Variants in BCL11B observed in about 807,000 individuals in gnomAD.
BCL11B encodes the protein B-cell lymphoma/leukemia 11B.
BCL11B carries 8 observed loss-of-function variants against 49.9 expected under a neutral mutation model. The ratio of observed to expected loss-of-function variants is 0.16; its 90% confidence interval spans 0.09 to 0.29. The LOEUF is 0.29. Ranked by LOEUF, BCL11B falls within the 10% of genes least tolerant of loss-of-function variation. BCL11B has a pLI of 1.00. For missense variants in BCL11B, 1,006 were observed against 1,351.0 expected (o/e 0.74, Z 4.00); for synonymous variants, 739 against 637.4 (o/e 1.16, Z -2.40).
chr14:99,194,304 G>A lies in BCL11B; in HGVS notation c.641-18109C>T, dbSNP rs540343994. 3.3e-5 allele frequency among the ~76,000 whole-genome samples: 5 copies of A among 152,294 alleles called. No individual in the cohort carries two copies. Among genetic ancestry groups the A allele is most frequent in the South Asian group, 2.1e-4 (1 of 4,832 alleles). ...TCAGCAAACCGCCAAGGCCTTCCCC[G>A]GACTGCACTGGCTTACAGAACACAC... On this transcript the variant is annotated intron_variant, in intron 3 of 3. Transcript: ENST00000357195. The surrounding 1 kb of genome is among the most constrained non-coding windows in gnomAD (Gnocchi z 4.6).
Position 99,247,793 on chromosome 14 carries a change from G to A in BCL11B, c.427+9678C>T, listed in dbSNP as rs1019246227. 5.9e-5 allele frequency among the ~76,000 whole-genome samples: 9 copies of A among 152,162 alleles called. No homozygotes were observed. The highest frequency in any genetic ancestry group is 1.0e-4 in the Non-Finnish European group (7 of 68,030). ...GCCTCTGGATTCATCTTCAGCAGACGCTGACCCACGCACCTGTTTGCCTGC... is the reference window on the plus strand; with the variant it reads ...GCCTCTGGATTCATCTTCAGCAGACACTGACCCACGCACCTGTTTGCCTGC... On this transcript the variant is annotated intron_variant, in intron 2 of 3. Coordinates refer to ENST00000357195, the MANE Select transcript of BCL11B (RefSeq NM_138576.4). The surrounding 1 kb of genome is among the most constrained non-coding windows in gnomAD (Gnocchi z 4.5).
chr14:99,260,681 GT>G (rs1223888067), intron 1 of BCL11B, among the ~76,000 whole-genome samples: 2 of 151,576 alleles, frequency 1.3e-5, no homozygotes, highest in Non-Finnish European at 2.9e-5. Flanking sequence ...GTAACATCTG[GT>G]ATTCTTTCCT....
At chr14:99,212,339 G>T (rs1380174845) in intron 3 of BCL11B, among the ~76,000 whole-genome samples, 3 of 73,722 alleles carry the variant, frequency 4.1e-5, no homozygotes, top group East Asian at 4.2e-4. Flanking sequence ...CAAACCTGCA[G>T]CCTCCCCTGG....
chr14:99,234,543 A>C (rs376648433), intron 2 of BCL11B, among the ~76,000 whole-genome samples: 1 of 152,102 alleles, frequency 6.6e-6, no homozygotes, highest in Non-Finnish European at 1.5e-5. Flanking sequence ...ACTGGATTCA[A>C]ATTCCTCCTC....
At position 99,195,666 on chromosome 14, in the gene BCL11B, T is replaced by C. The variant is rs535732147; in HGVS notation, c.641-19471A>G. Among the ~76,000 whole-genome samples, 23 of 152,200 alleles carry C rather than the reference T, an allele frequency of 1.5e-4. No homozygotes were observed. Among genetic ancestry groups the C allele is most frequent in the African/African-American group, 4.6e-4 (19 of 41,526 alleles). On this transcript the variant is annotated intron_variant, in intron 3 of 3. Transcript: ENST00000357195. This position sits in a 1 kb window ranked among gnomAD's most constrained non-coding sequence, Gnocchi z 4.7. ...TACATCCATCCCAGGGCCTGCAGCA[T>C]GGGAAGTGCTCAAAATAAAGCATAA...
intron 2 of BCL11B, among the ~76,000 whole-genome samples, chr14:99,234,498 A>G (rs1888432114): frequency 1.3e-5 from 2 of 152,098 alleles, no homozygotes; most frequent in Non-Finnish European, 2.9e-5. Context: ...AAGCCACCAG[A>G]GCTCCCAGGC....
Position 99,205,811 on chromosome 14 carries a change from C to T in BCL11B, c.640+25534G>A, listed in dbSNP as rs139128438. ...CCGGGAGCAGTATGGTTCTTGACCA[C>T]GGTGGACCAAGTCCAGACAGCCATA... On this transcript the variant is annotated intron_variant, in intron 3 of 3. Coordinates refer to ENST00000357195, the MANE Select transcript of BCL11B (RefSeq NM_138576.4). This position sits in a 1 kb window ranked among gnomAD's most constrained non-coding sequence, Gnocchi z 5.0. Among the ~76,000 whole-genome samples, 16 of 152,264 alleles carry T rather than the reference C, an allele frequency of 1.1e-4. No individual in the cohort carries two copies. The East Asian group carries it at 2.3e-3, about 22-fold the overall frequency.
At chr14:99,206,322 A>T (rs986864114) in intron 3 of BCL11B, among the ~76,000 whole-genome samples, 28 of 152,362 alleles carry the variant, frequency 1.8e-4, no homozygotes, top group African/African-American at 5.8e-4. Context: ...ACAGTGGCAC[A>T]GTTGAATACA....
chr14:99,233,883 G>A (rs1479209854), intron 2 of BCL11B, among the ~76,000 whole-genome samples: 1 of 152,182 alleles, frequency 6.6e-6, no homozygotes, highest in Non-Finnish European at 1.5e-5. Flanking sequence ...TGAGGCAGGG[G>A]AGGGGGGCAG....
At chr14:99,208,364 C>G (rs1334774210) in intron 3 of BCL11B, among the ~76,000 whole-genome samples, 2 of 152,178 alleles carry the variant, frequency 1.3e-5, no homozygotes, top group Non-Finnish European at 2.9e-5. Flanking sequence ...AAGGACCGTT[C>G]CTCCACAGAG....
intron 3 of BCL11B, among the ~76,000 whole-genome samples, chr14:99,199,689 C>CGT (rs1887308496): frequency 3.3e-5 from 2 of 60,148 alleles, no homozygotes; most frequent in African/African-American, 9.0e-5. Flanking sequence ...TGTGTGCGCG[C>CGT]GCGCGCGCAC....
intron 3 of BCL11B, among the ~76,000 whole-genome samples, chr14:99,191,566 T>C (rs868835335): frequency 1.1e-4 from 16 of 152,264 alleles, no homozygotes; most frequent in South Asian, 4.2e-4. Context: ...AATTTCATCA[T>C]TGTAGAAATC....
At chr14:99,256,468 C>T (rs1034748817) in intron 2 of BCL11B, among the ~76,000 whole-genome samples, 16 of 152,214 alleles carry the variant, frequency 1.1e-4, no homozygotes, top group African/African-American at 3.9e-4. Context: ...TTTGAACACT[C>T]GTCTGCATAA....
intron 3 of BCL11B, among the ~76,000 whole-genome samples, chr14:99,183,259 C>T (rs943210244): frequency 1.5e-4 from 23 of 152,030 alleles, no homozygotes; most frequent in African/African-American, 5.6e-4. Context: ...GACCATTGAC[C>T]GAAGAAATAA....
chr14:99,189,803 C>CT (rs1376998109), intron 3 of BCL11B, among the ~76,000 whole-genome samples: 1 of 152,186 alleles, frequency 6.6e-6, no homozygotes, highest in Non-Finnish European at 1.5e-5. Flanking sequence ...TGGGAAACTG[C>CT]TGCCCACACT....
chr14:99,248,461 A>C lies in BCL11B; in HGVS notation c.427+9010T>G, dbSNP rs996477816. On this transcript the variant is annotated intron_variant, in intron 2 of 3. Coordinates refer to ENST00000357195, the MANE Select transcript of BCL11B (RefSeq NM_138576.4). The surrounding 1 kb of genome is among the most constrained non-coding windows in gnomAD (Gnocchi z 4.7). Reference sequence around the variant, plus strand: ...GGGCCAGGGTGGGTCCAGATCTTGCAGGGCCCGAGGTTTATACAATTCAGG... The same window carrying C: ...GGGCCAGGGTGGGTCCAGATCTTGCCGGGCCCGAGGTTTATACAATTCAGG... 9.9e-5 allele frequency among the ~76,000 whole-genome samples: 15 copies of C among 151,866 alleles called. No homozygotes were observed. Among genetic ancestry groups the C allele is most frequent in the African/African-American group, 3.6e-4 (15 of 41,352 alleles).
intron 3 of BCL11B, among the ~76,000 whole-genome samples, chr14:99,200,861 C>A (rs1406915799): frequency 6.6e-6 from 1 of 152,212 alleles, no homozygotes; most frequent in Non-Finnish European, 1.5e-5. Flanking sequence ...CACAGAGCAG[C>A]CCCTGGTCAA....
rs1231780153 is a variant in BCL11B, at chr14:99,174,870, CCCCGCG to C, written c.1960_1965del (p.Arg654_Gly655del). On this transcript the variant is annotated inframe_deletion, in exon 4 of 4. Coordinates refer to ENST00000357195, the MANE Select transcript of BCL11B (RefSeq NM_138576.4). Reference sequence around the variant, plus strand: ...GGCTCGGTGCCTGGCGCGAAGCCGCCCCCGCGCCCGTTGACCGCGCCGCCCGCGCCC... The same window carrying C: ...GGCTCGGTGCCTGGCGCGAAGCCGCCCCCGTTGACCGCGCCGCCCGCGCCC... 1 of 1,166,422 alleles carries C rather than the reference CCCCGCG, an allele frequency of 8.6e-7. No individual in the cohort carries two copies. Among genetic ancestry groups the C allele is most frequent in the Non-Finnish European group, 1.1e-6 (1 of 947,198 alleles). The allele number at this position is 1,166,422 out of a possible 1,614,324, so 72.3% of individuals were successfully genotyped here. A position where few individuals can be genotyped will look rare whatever the true frequency, so the allele number is the denominator to read the frequency against.
chr14:99,174,095 T>G lies in BCL11B; in HGVS notation c.*56A>C. ...ACACGGAGGCAAGTCAGGTCAGCAT[T>G]CTCTCGGTTGGCAACGGTTCCACTG... On this transcript the variant is annotated 3_prime_UTR_variant, in exon 4 of 4. Transcript: ENST00000357195. The G allele has an allele frequency of 6.4e-7, 1 of 1,557,986 alleles. No individual in the cohort carries two copies. The highest frequency in any genetic ancestry group is 8.7e-7 in the Non-Finnish European group (1 of 1,146,166).
Sources: allele counts gnomAD v4.1 joint callset (sites outside exome capture counted in the v4.1 genomes callset), GRCh38; gene constraint gnomAD v4.1.1; non-coding constraint Gnocchi (gnomAD v3.1); transcripts MANE v1.5; gene names NCBI Gene and HGNC (gene_info 2026-07-23, HGNC 2026-07-21).